SLC5A7: variants seen among roughly 807,000 people sequenced by gnomAD.
The protein encoded by SLC5A7 is solute carrier family 5 member 7, also known as high affinity choline transporter 1.
A neutral mutation model predicts 55.4 loss-of-function variants in SLC5A7; 19 were observed. The ratio of observed to expected loss-of-function variants is 0.34; its 90% CI spans 0.24 to 0.50. SLC5A7 has a LOEUF of 0.50. Among genes scored for constraint, SLC5A7 ranks in the 20% least tolerant of loss-of-function variants. The pLI is 0.98. For missense variants in SLC5A7, 506 were observed against 705.3 expected, an observed-to-expected ratio of 0.72 and a Z score of 3.20; for synonymous variants, 265 against 263.7, an observed-to-expected ratio of 1.00 and a Z score of -0.05.
rs1351564400 is a variant in SLC5A7, at chr2:108,010,670, G to A, written c.1552G>A (p.Val518Ile). Residue 518 changes from valine (V) to isoleucine (I), a missense_variant, in exon 9 of 9, where the codon GTT becomes ATT. By Grantham distance (29) the Val-to-Ile change is conservative. Coordinates refer to ENST00000264047, the MANE Select transcript of SLC5A7 (RefSeq NM_021815.5). ...TAAATTAGATGTATTTGATGCTGTT[G>A]TTGCAAGACACAGTGAAGAAAACAT... is the stretch of plus-strand genomic sequence containing the variant. ...PPKLDVFDAV[V>I]ARHSEENMDK... is the part of the protein sequence containing the mutation. 1 of 1,613,888 alleles carries A rather than the reference G, an allele frequency of 6.2e-7. No individual in the cohort carries two copies. Among genetic ancestry groups the A allele is most frequent in the Non-Finnish European group, 8.5e-7 (1 of 1,179,920 alleles).
At chr2:107,988,080 TA>T (rs1677315597) in intron 1 of SLC5A7, 24 bp from the exon 2 acceptor site, 1 of 1,484,874 alleles carries the variant, frequency 6.7e-7, no homozygotes, top group African/African-American at 1.4e-5. Flanking sequence ...GACTGGTTTA[TA>T]ATGCATCCCT....
chr2:107,997,981 G>A lies in SLC5A7; in HGVS notation c.592G>A (p.Gly198Arg). 1.2e-6 allele frequency: 2 copies of A among 1,610,626 alleles called. No individual in the cohort carries two copies. The highest frequency in any genetic ancestry group is 1.7e-6 in the Non-Finnish European group (2 of 1,178,488). Residue 198 changes from glycine to arginine, a missense_variant, in exon 5 of 9, where the codon GGG becomes AGG. Gly to Arg is a moderately radical substitution (Grantham distance 125, BLOSUM62 -2). Coordinates refer to ENST00000264047, the MANE Select transcript of SLC5A7 (RefSeq NM_021815.5). ...CGTTCAGCTCTTTTGCATTTTTGTA[G>A]GGCTGGTAAGTGGGAGCACCCAAGA... ...DVVQLFCIFV[G>R]LWISVPFALS...
intron 5 of SLC5A7, among the ~76,000 whole-genome samples, chr2:107,998,752 A>G (rs1256874059): frequency 6.6e-6 from 1 of 152,302 alleles, no homozygotes; most frequent in South Asian, 2.1e-4. Flanking sequence ...CCAGTTGTAG[A>G]TTCTTTAGGG....
chr2:108,008,847 T>G (rs183788588), intron 8 of SLC5A7, among the ~76,000 whole-genome samples, 165 bp downstream of exon 8: 58 of 150,658 alleles, frequency 3.8e-4, no homozygotes, highest in Admixed American at 1.1e-3. Context: ...CTATGCTGAA[T>G]GGATGCTATC....
rs773821147 is a variant in SLC5A7, at chr2:107,994,466, CCAG to C, written c.448+1344_448+1346del. Among the ~76,000 whole-genome samples the C allele has an allele frequency of 6.5e-4, 99 of 152,060 alleles. 1 individual carries two copies. Among genetic ancestry groups the C allele is most frequent in the Admixed American group, 3.1e-3 (47 of 15,278 alleles). ...GGCGTGGTGGCGGGCGCCTGTAGTC[CCAG>C]CAGCTACTCAGGAAGCTGAGGCAGG... On this transcript the variant is annotated intron_variant, in intron 4 of 8. Transcript: ENST00000264047.
At chr2:107,988,458 A>G in intron 2 of SLC5A7, 125 bp downstream of exon 2, 1 of 695,034 alleles carries the variant, frequency 1.4e-6, no homozygotes, top group Non-Finnish European at 2.2e-6. Flanking sequence ...CTTTATGTTC[A>G]CTAGTTATAT....
At chr2:107,988,655 C>G (rs1472652844) in intron 2 of SLC5A7, among the ~76,000 whole-genome samples, 1 of 152,140 alleles carries the variant, frequency 6.6e-6, no homozygotes, top group Non-Finnish European at 1.5e-5. Context: ...GAATGGGAAG[C>G]TGTCCTAGTA....
intron 4 of SLC5A7, among the ~76,000 whole-genome samples, chr2:107,995,466 AGAGAGTGT>A (rs1484594611): frequency 0.01 from 1,288 of 127,374 alleles, 13 homozygotes; most frequent in Non-Finnish European, 0.016. Context: ...AGAGAGAGAG[AGAGAGTGT>A]GTGTGTGTGT....
At chr2:108,006,247 A>G (rs1327932465) in intron 7 of SLC5A7, 45 bp downstream of exon 7, 2 of 1,608,192 alleles carry the variant, frequency 1.2e-6, no homozygotes, top group East Asian at 2.2e-5. Context: ...TAGTTTACCA[A>G]TCCCCACCCA....
chr2:108,000,596 C>T (rs961860511), intron 5 of SLC5A7, among the ~76,000 whole-genome samples: 1 of 152,094 alleles, frequency 6.6e-6, no homozygotes, highest in Non-Finnish European at 1.5e-5. Context: ...CTGTGCCTGG[C>T]AGTTTCTTTT....
At chr2:107,996,207 G>A (rs988826644) in intron 4 of SLC5A7, among the ~76,000 whole-genome samples, 1 of 152,016 alleles carries the variant, frequency 6.6e-6, no homozygotes, top group Non-Finnish European at 1.5e-5. Context: ...GTAAAGTTTC[G>A]ATTCGAAGTA....
chr2:108,001,217 G>A (rs1181424314), intron 5 of SLC5A7, among the ~76,000 whole-genome samples: 1 of 151,924 alleles, frequency 6.6e-6, no homozygotes, highest in African/African-American at 2.4e-5. Context: ...GTATGTGTGT[G>A]TGTGTGTGTG....
At chr2:107,991,869 A>G (rs1677466383) in intron 2 of SLC5A7, among the ~76,000 whole-genome samples, 1 of 152,234 alleles carries the variant, frequency 6.6e-6, no homozygotes, top group South Asian at 2.1e-4. Flanking sequence ...AGGTAAATTA[A>G]TGTTAATAGT....
At chr2:107,989,382 A>T (rs1468579300) in intron 2 of SLC5A7, among the ~76,000 whole-genome samples, 2 of 152,220 alleles carry the variant, frequency 1.3e-5, no homozygotes, top group East Asian at 3.9e-4. Flanking sequence ...GGGAGAGGCC[A>T]TTCATGTTCT....
chr2:108,001,667 C>G, intron 5 of SLC5A7, among the ~76,000 whole-genome samples: 1 of 122,578 alleles, frequency 8.2e-6, no homozygotes, highest in Admixed American at 9.5e-5. Context: ...AGCGAGACTC[C>G]GTCTCAAAAA....
rs369039168 is a variant in SLC5A7, at chr2:108,006,219, T to C, written c.895+17T>C. The C allele has an allele frequency of 4.3e-6, 7 of 1,613,296 alleles. No individual in the cohort carries two copies. Among genetic ancestry groups the C allele is most frequent in the Non-Finnish European group, 5.9e-6 (7 of 1,179,722 alleles). On this transcript the variant is annotated intron_variant, in intron 7 of 8. Transcript: ENST00000264047. ...CATCAACAGGTAAATCTCTTGCAGCTTCACCACATGTGCCAGTTAGTTTAC... is the reference window on the plus strand; with the variant it reads ...CATCAACAGGTAAATCTCTTGCAGCCTCACCACATGTGCCAGTTAGTTTAC...
chr2:107,988,466 T>C (rs1316263663), intron 2 of SLC5A7, 133 bp downstream of exon 2: 2 of 614,282 alleles, frequency 3.3e-6, no homozygotes, highest in African/African-American at 1.9e-5. Context: ...TCACTAGTTA[T>C]ATATATTTTA....
chr2:107,993,733 T>C (rs916486450), intron 4 of SLC5A7, among the ~76,000 whole-genome samples: 18 of 152,278 alleles, frequency 1.2e-4, no homozygotes, highest in Admixed American at 7.8e-4. Flanking sequence ...TCAGAGATGT[T>C]GACTTTTTAA....
At chr2:107,996,505 G>A (rs1017851725) in intron 4 of SLC5A7, among the ~76,000 whole-genome samples, 1 of 152,172 alleles carries the variant, frequency 6.6e-6, no homozygotes, top group Non-Finnish European at 1.5e-5. Context: ...TGCCAATTGA[G>A]GAATGGGGGT....
Sources: gnomAD v4.1 joint callset for allele counts (sites outside exome capture counted in the v4.1 genomes callset) on GRCh38, gnomAD v4.1.1 for gene constraint, MANE v1.5 for transcripts, NCBI Gene and HGNC (gene_info 2026-07-23, HGNC 2026-07-21) for gene names.